The following LPCAT1 variants were observed in gnomAD, a reference collection of about 807,000 sequenced individuals.
LPCAT1 encodes the protein lysophosphatidylcholine acyltransferase 1.
LPCAT1 carries 23 observed loss-of-function variants against 60.9 expected under a neutral mutation model. The observed-to-expected ratio is 0.38, with a 90% CI of 0.27 to 0.53. LPCAT1 has a LOEUF of 0.53. Ranked by LOEUF, LPCAT1 falls within the 20% of genes least tolerant of loss-of-function variation. LPCAT1 has a pLI of 0.82. For missense variants in LPCAT1, 622 were observed against 723.6 expected (o/e 0.86, Z 1.61); for synonymous variants, 340 against 301.1 (o/e 1.13, Z -1.34).
chr5:1,482,929 A>C (rs1416115312), intron 6 of LPCAT1, among the ~76,000 whole-genome samples: 2 of 152,192 alleles, frequency 1.3e-5, no homozygotes, highest in South Asian at 4.1e-4. Context: ...CTGGGCACTA[A>C]ATGATAAAAC....
Position 1,512,194 on chromosome 5 carries a change from C to A in LPCAT1, c.136-10591G>T, listed in dbSNP as rs367633292. Among the ~76,000 whole-genome samples the A allele has an allele frequency of 1.9e-4, 29 of 152,306 alleles. 1 individual carries two copies. Among genetic ancestry groups the A allele is most frequent in the African/African-American group, 6.7e-4 (28 of 41,572 alleles). On this transcript the variant is annotated intron_variant, in intron 1 of 13. Transcript: ENST00000283415. ...GTAGTCTGAGCTCCTGTGTGGCGTG[C>A]GGCCCCGTGAGTCGCAGTGGGGCTA...
chr5:1,471,693 A>T (rs1330709525), intron 11 of LPCAT1, among the ~76,000 whole-genome samples: 1 of 151,446 alleles, frequency 6.6e-6, no homozygotes, highest in East Asian at 2.0e-4. Flanking sequence ...GGAAGAGAGC[A>T]GCAGGAGCAT....
In LPCAT1 at chr5:1,496,274, C is replaced by T. The variant is rs1460835372; in HGVS notation, c.279-1360G>A. 6.6e-6 allele frequency among the ~76,000 whole-genome samples: 1 copy of T among 152,056 alleles called. No homozygotes were observed. The highest frequency in any genetic ancestry group is 1.5e-5 in the Non-Finnish European group (1 of 68,000). On this transcript the variant is annotated intron_variant, in intron 2 of 13. Coordinates refer to ENST00000283415, the MANE Select transcript of LPCAT1 (RefSeq NM_024830.5). This position sits in a 1 kb window ranked among gnomAD's most constrained non-coding sequence, Gnocchi z 4.7. ...CACTCAGGAGGCTGAGGCAGGAGAA[C>T]TGCTTGAACCCAAGGGGCGGAGGTT... is the stretch of plus-strand genomic sequence containing the variant.
At chr5:1,491,800 C>T (rs1760927491) in intron 3 of LPCAT1, among the ~76,000 whole-genome samples, 1 of 152,202 alleles carries the variant, frequency 6.6e-6, no homozygotes, top group South Asian at 2.1e-4. Flanking sequence ...TGAAAGGAAA[C>T]TAAGAATGTG....
Position 1,523,513 on chromosome 5 carries a change from C to A in LPCAT1, c.135+197G>T, listed in dbSNP as rs1401819945. ...GCGCGTGCGGGCGGCGGGAAGCCGG[C>A]GCCGAGACCGAGGCATCGGGTGCGG... is the stretch of plus-strand genomic sequence containing the variant. On this transcript the variant is annotated intron_variant, in intron 1 of 13. Coordinates refer to ENST00000283415, the MANE Select transcript of LPCAT1 (RefSeq NM_024830.5). This position sits in a 1 kb window ranked among gnomAD's most constrained non-coding sequence, Gnocchi z 7.1. Among the ~76,000 whole-genome samples the A allele has an allele frequency of 6.6e-6, 1 of 151,052 alleles. No individual in the cohort carries two copies. The highest frequency in any genetic ancestry group is 2.4e-5 in the African/African-American group (1 of 41,256).
At chr5:1,518,543 T>C (rs1285242403) in intron 1 of LPCAT1, among the ~76,000 whole-genome samples, 2 of 152,218 alleles carry the variant, frequency 1.3e-5, no homozygotes, top group Non-Finnish European at 2.9e-5. Context: ...GGTTTCACCG[T>C]GTTAGCCAGG....
rs371091168 is a variant in LPCAT1, at chr5:1,502,272, C to A, written c.136-669G>T. ...CCCCAGGCAGCTCCGCCCCCCAGGA[C>A]ACACCCCCAGCCCCGCAGGCCTCAC... is the stretch of plus-strand genomic sequence containing the variant. On this transcript the variant is annotated intron_variant, in intron 1 of 13. Coordinates refer to ENST00000283415, the MANE Select transcript of LPCAT1 (RefSeq NM_024830.5). This position sits in a 1 kb window ranked among gnomAD's most constrained non-coding sequence, Gnocchi z 5.5. Among the ~76,000 whole-genome samples the A allele has an allele frequency of 6.6e-6, 1 of 152,096 alleles. No individual in the cohort carries two copies. Among genetic ancestry groups the A allele is most frequent in the Non-Finnish European group, 1.5e-5 (1 of 68,014 alleles).
Position 1,480,307 on chromosome 5 carries a change from T to C in LPCAT1, c.762-632A>G. The C allele has an allele frequency of 3.0e-6, 3 of 984,242 alleles. No individual in the cohort carries two copies. The highest frequency in any genetic ancestry group is 9.4e-5 in the South Asian group (2 of 21,208). 61.0% of individuals were successfully genotyped at this position (984,242 alleles called of 1,614,324 possible). On this transcript the variant is annotated intron_variant, in intron 7 of 13. Coordinates refer to ENST00000283415, the MANE Select transcript of LPCAT1 (RefSeq NM_024830.5). The surrounding 1 kb of genome is among the most constrained non-coding windows in gnomAD (Gnocchi z 6.4). Reference sequence around the variant, plus strand: ...CTGGGAAGCGCTGACCTCAACACCTTCACCTGAAAGCACCAGCGGACCCAC... The same window carrying C: ...CTGGGAAGCGCTGACCTCAACACCTCCACCTGAAAGCACCAGCGGACCCAC...
At position 1,463,622 on chromosome 5, in the gene LPCAT1, G is replaced by A. The variant is rs1465670769; in HGVS notation, c.*29C>T. ...TCATGGCGGTGATGTCCACGCGGGAGGGGCCGCGTCTCTCCGCAACCCTGG... is the reference window on the plus strand; with the variant it reads ...TCATGGCGGTGATGTCCACGCGGGAAGGGCCGCGTCTCTCCGCAACCCTGG... On this transcript the variant is annotated 3_prime_UTR_variant, in exon 14 of 14. Transcript: ENST00000283415. 6 of 1,610,278 alleles carry A rather than the reference G, an allele frequency of 3.7e-6. No individual in the cohort carries two copies. In the African/African-American group the frequency reaches 4.0e-5, roughly 11 times the overall value.
At chr5:1,466,277 CA>C in intron 13 of LPCAT1, among the ~76,000 whole-genome samples, 1 of 152,322 alleles carries the variant, frequency 6.6e-6, no homozygotes, top group Non-Finnish European at 1.5e-5. Flanking sequence ...TGTCCACAGA[CA>C]GGTGACTTTT....
At position 1,474,109 on chromosome 5, in the gene LPCAT1, G is replaced by C. The variant is rs771187124; in HGVS notation, c.1027C>G (p.Leu343Val). The change falls in exon 11 of 14, where the codon CTA becomes GTA. Residue 343 changes from leucine to valine, a missense_variant and splice_region_variant. Around this residue, in one of 3 missense-constraint regions of LPCAT1, gnomAD observed 288 missense variants for 283.6 expected, o/e 1.02. Coordinates refer to ENST00000283415, the MANE Select transcript of LPCAT1 (RefSeq NM_024830.5). ...TCTTTTTCAAGCTTTTCTGGTTTTA[G>C]CCTAGACAAAAAAAGAGGGAAAGCT... The part of the protein sequence containing the change: ...EFARLVRGLG[L>V]KPEKLEKDLD... 1 of 1,605,182 alleles carries C rather than the reference G, an allele frequency of 6.2e-7. No individual in the cohort carries two copies. The highest frequency in any genetic ancestry group is 2.2e-5 in the East Asian group (1 of 44,838).
chr5:1,484,132 G>A (rs749605955), intron 5 of LPCAT1, among the ~76,000 whole-genome samples: 4 of 152,244 alleles, frequency 2.6e-5, no homozygotes, highest in Non-Finnish European at 4.4e-5. Context: ...GGACTTGCCC[G>A]GGATCTGCCT....
chr5:1,501,571 G>T lies in LPCAT1; in HGVS notation c.168C>A (p.Val56=), dbSNP rs138693553. Residue 56 remains valine (V), a synonymous_variant, in exon 2 of 14, where the codon GTC becomes GTA. Coordinates refer to ENST00000283415, the MANE Select transcript of LPCAT1 (RefSeq NM_024830.5). ...TCATGGCAGCGGCAACCAGGAGCCG[G>T]ACCGGGAAGAGCGTCAGTGTCATGA... is the stretch of plus-strand genomic sequence containing the variant. ...VALMTLTLFP[V]RLLVAAAMML... 2.4e-5 allele frequency: 38 copies of T among 1,613,784 alleles called. No individual in the cohort carries two copies. In the African/African-American group the frequency reaches 4.1e-4, roughly 18 times the overall value.
Position 1,494,915 on chromosome 5 carries a change from C to T in LPCAT1, c.279-1G>A. 6.2e-7 allele frequency: 1 copy of T among 1,601,306 alleles called. No homozygotes were observed. Among genetic ancestry groups the T allele is most frequent in the South Asian group, 1.1e-5 (1 of 90,046 alleles). On this transcript the variant is annotated splice_acceptor_variant, in intron 2 of 13. Coordinates refer to ENST00000283415, the MANE Select transcript of LPCAT1 (RefSeq NM_024830.5). LOFTEE classifies it high-confidence loss of function. Reference sequence around the variant, plus strand: ...GGCCTTCAGCAGGAAGTCCACAACCCTGCAAAAGAGGGCGCTGCGTCACGC... The same window carrying T: ...GGCCTTCAGCAGGAAGTCCACAACCTTGCAAAAGAGGGCGCTGCGTCACGC...
intron 1 of LPCAT1, among the ~76,000 whole-genome samples, chr5:1,504,714 CAAAAAAAAA>C (rs11463524): frequency 9.8e-6 from 1 of 102,084 alleles, no homozygotes; most frequent in Non-Finnish European, 2.2e-5. Flanking sequence ...ATCTCCGTCC[CAAAAAAAAA>C]AAAAAAAAAG....
intron 12 of LPCAT1, chr5:1,467,301 G>C (rs1420176732): frequency 5.3e-6 from 1 of 190,052 alleles, no homozygotes; most frequent in Non-Finnish European, 1.1e-5. Context: ...GGCTACAGCA[G>C]ACGTGTTCAC....
At chr5:1,507,628 C>T (rs181455096) in intron 1 of LPCAT1, among the ~76,000 whole-genome samples, 4 of 152,236 alleles carry the variant, frequency 2.6e-5, no homozygotes, top group East Asian at 1.9e-4. Flanking sequence ...AGGGGCCGGG[C>T]GCGAGCGCTC....
Position 1,466,740 on chromosome 5 carries a change from C to G in LPCAT1, c.1420+9G>C. 3 of 1,607,726 alleles carry G rather than the reference C, an allele frequency of 1.9e-6. No individual in the cohort carries two copies. Among genetic ancestry groups the G allele is most frequent in the East Asian group, 2.2e-5 (1 of 44,488 alleles). On this transcript the variant is annotated intron_variant, in intron 13 of 13. Coordinates refer to ENST00000283415, the MANE Select transcript of LPCAT1 (RefSeq NM_024830.5). ...GGTCGCGAGGACGACCCCACTCCTG[C>G]GGGCTCACCGAATGTGATCTTCCCC...
chr5:1,489,838 G>T lies in LPCAT1; in HGVS notation c.514C>A (p.Pro172Thr). ...TGGTCTGACCGGGACACGAACACAG[G>T]CCGTATATACTGGATCAGAGCTGGA... ...IWGTLIQYIR[P>T]VFVSRSDQDS... The change falls in exon 4 of 14, where the codon CCT becomes ACT. Residue 172 changes from proline to threonine, a missense_variant. Coordinates refer to ENST00000283415, the MANE Select transcript of LPCAT1 (RefSeq NM_024830.5). The T allele has an allele frequency of 6.2e-7, 1 of 1,613,114 alleles. No individual in the cohort carries two copies.
Sources: gnomAD v4.1 joint callset for allele counts (sites outside exome capture counted in the v4.1 genomes callset) on GRCh38, gnomAD v4.1.1 for gene constraint, gnomAD v4.1.1 regional missense constraint, Gnocchi (gnomAD v3.1) non-coding constraint, MANE v1.5 for transcripts, NCBI Gene and HGNC (gene_info 2026-07-23, HGNC 2026-07-21) for gene names.